Variants in DOCK5 observed in about 807,000 individuals in gnomAD.
The protein encoded by DOCK5 is dedicator of cytokinesis protein 5.
In DOCK5, 142 loss-of-function variants were observed where a neutral mutation model predicts 251.8. That is an observed-to-expected ratio of 0.56 (90% confidence interval 0.49 to 0.65). The LOEUF is 0.65. DOCK5 is among the 30% of genes least tolerant of loss of function. DOCK5 has a pLI of 0.00. For missense variants in DOCK5, 2,111 were observed against 2,312.3 expected (o/e 0.91, Z 1.79); for synonymous variants, 842 against 835.5 (o/e 1.01, Z -0.13).
chr8:25,206,155 G>A (rs2221780), intron 1 of DOCK5, among the ~76,000 whole-genome samples: 95,394 of 152,008 alleles, frequency 0.63, 32,576 homozygotes, highest in Non-Finnish European at 0.76. Context: ...CTGGCACAGC[G>A]TGAGCCCTGG....
At chr8:25,404,217 C>T (rs766247468) in intron 48 of DOCK5, among the ~76,000 whole-genome samples, 1 of 152,064 alleles carries the variant, frequency 6.6e-6, no homozygotes, top group Non-Finnish European at 1.5e-5. Context: ...TGTGTTCTTC[C>T]CCACACTTTT....
At chr8:25,230,867 A>G (rs921802040) in intron 1 of DOCK5, among the ~76,000 whole-genome samples, 1 of 152,078 alleles carries the variant, frequency 6.6e-6, no homozygotes, top group Non-Finnish European at 1.5e-5. Flanking sequence ...AAATAAATAA[A>G]TAAATAAATT....
Position 25,406,022 on chromosome 8 carries a change from G to T in DOCK5, c.5094-1961G>T, listed in dbSNP as rs376699346. On this transcript the variant is annotated intron_variant, in intron 48 of 51. Coordinates refer to ENST00000276440, the MANE Select transcript of DOCK5 (RefSeq NM_024940.8). ...CACCCAGGCTGGAGTGCAGTGGTGC[G>T]ATCTCGGCTCACCGCAAGCTCCGCC... Among the ~76,000 whole-genome samples the T allele has an allele frequency of 1.7e-4, 26 of 151,924 alleles. No individual in the cohort carries two copies. In the South Asian group the frequency reaches 4.6e-3, roughly 27 times the overall value.
Position 25,407,975 on chromosome 8 carries a change from G to A in DOCK5, c.5094-8G>A. 3.7e-6 allele frequency: 6 copies of A among 1,608,226 alleles called. No individual in the cohort carries two copies. Among genetic ancestry groups the A allele is most frequent in the Non-Finnish European group, 5.1e-6 (6 of 1,177,518 alleles). On this transcript the variant is annotated splice_polypyrimidine_tract_variant and splice_region_variant and intron_variant, in intron 48 of 51. Transcript: ENST00000276440. ...TTTGTGATGTTTGTCCTTGTTCCTGGCCAATAGCTCAATCTTGGAGCCACT... is the reference window on the plus strand; with the variant it reads ...TTTGTGATGTTTGTCCTTGTTCCTGACCAATAGCTCAATCTTGGAGCCACT...
intron 34 of DOCK5, among the ~76,000 whole-genome samples, chr8:25,371,759 T>C (rs576730867): frequency 3.9e-4 from 60 of 152,372 alleles, no homozygotes; most frequent in South Asian, 2.5e-3. Flanking sequence ...GATCTTACTT[T>C]GTTTTCTTCA....
chr8:25,363,084 TGATTGGAAA>T lies in DOCK5; in HGVS notation c.2990_2998del (p.Ile997_Lys999del). The T allele has an allele frequency of 1.9e-6, 3 of 1,614,030 alleles. No homozygotes were observed. Among genetic ancestry groups the T allele is most frequent in the Non-Finnish European group, 2.5e-6 (3 of 1,179,882 alleles). The stretch of plus-strand genomic sequence containing the variant: ...GAAACTTTTATCATGTTCAAGGACC[TGATTGGAAA>T]GAATGTCTATGCCAAAGATTGGATG... On this transcript the variant is annotated inframe_deletion, in exon 29 of 52. Coordinates refer to ENST00000276440, the MANE Select transcript of DOCK5 (RefSeq NM_024940.8).
At chr8:25,278,723 GT>G in intron 5 of DOCK5, 58 bp downstream of exon 5, 1 of 1,510,584 alleles carries the variant, frequency 6.6e-7, no homozygotes, top group South Asian at 1.2e-5. Flanking sequence ...CAGCCTGTAG[GT>G]CCTTTGCAGG....
chr8:25,300,449 C>A (rs749657624), intron 8 of DOCK5, 127 bp from the exon 9 acceptor site: 12 of 763,060 alleles, frequency 1.6e-5, no homozygotes, highest in Non-Finnish European at 2.5e-5. Context: ...GTTTTCACAC[C>A]GGCCTGTTGA....
chr8:25,212,004 C>T lies in DOCK5; in HGVS notation c.43+27053C>T, dbSNP rs556548892. Among the ~76,000 whole-genome samples, 238 of 64,050 alleles carry T rather than the reference C, an allele frequency of 3.7e-3. 62 individuals are homozygous for T. Among genetic ancestry groups the T allele is most frequent in the African/African-American group, 8.4e-3 (229 of 27,400 alleles). 42.0% of individuals were successfully genotyped at this position (64,050 alleles called of 152,430 possible). ...TGAATCCCTGTCTATACTGAAAATA[C>T]AAAAAAATTAGCCAGGCATGGTGGC... On this transcript the variant is annotated intron_variant, in intron 1 of 51. Coordinates refer to ENST00000276440, the MANE Select transcript of DOCK5 (RefSeq NM_024940.8).
At position 25,188,011 on chromosome 8, in the gene DOCK5, A is replaced by G. The variant is rs560815944; in HGVS notation, c.43+3060A>G. 5.3e-5 allele frequency among the ~76,000 whole-genome samples: 8 copies of G among 152,324 alleles called. No homozygotes were observed. In the East Asian group the frequency reaches 1.5e-3, roughly 29 times the overall value. On this transcript the variant is annotated intron_variant, in intron 1 of 51. Transcript: ENST00000276440. ...CAGACCATTGTGGTTTTGTATTCCTAGCACTCAACAGGTGTACCAGGTATT... is the reference window on the plus strand; with the variant it reads ...CAGACCATTGTGGTTTTGTATTCCTGGCACTCAACAGGTGTACCAGGTATT...
At position 25,345,661 on chromosome 8, in the gene DOCK5, G is replaced by T. The variant is rs1156308083; in HGVS notation, c.2754+50G>T. On this transcript the variant is annotated intron_variant, in intron 26 of 51. Coordinates refer to ENST00000276440, the MANE Select transcript of DOCK5 (RefSeq NM_024940.8). ...GCACAGAGTTCACACTGTCCCCTTT[G>T]CACCAGACAGGAGTGACTCCGTGGC... 5.0e-6 allele frequency: 8 copies of T among 1,602,932 alleles called. No homozygotes were observed. The Admixed American group carries it at 1.3e-4, about 27-fold the overall frequency.
Position 25,411,278 on chromosome 8 carries a change from TC to T in DOCK5, c.5595del (p.Glu1866SerfsTer38), listed in dbSNP as rs1487509999. ...GGCTCGGAAGTCTGGCATCCCTACT[TC>T]CGAGCCTGGATCCCAGTAAGGATCT... ...PKARKSGIPT[S>X]EPGSQ On this transcript the variant is annotated frameshift_variant, in exon 52 of 52. Transcript: ENST00000276440. LOFTEE classifies it high-confidence loss of function. 3 of 1,564,052 alleles carry T rather than the reference TC, an allele frequency of 1.9e-6. No homozygotes were observed. The South Asian group carries it at 3.6e-5, about 19-fold the overall frequency.
chr8:25,205,650 C>G (rs1801983971), intron 1 of DOCK5, among the ~76,000 whole-genome samples: 1 of 152,156 alleles, frequency 6.6e-6, no homozygotes, highest in South Asian at 2.1e-4. Flanking sequence ...AGCCTTCTGG[C>G]CTTGAAAATC....
intron 1 of DOCK5, among the ~76,000 whole-genome samples, chr8:25,233,903 A>G (rs1397691458): frequency 1.3e-5 from 2 of 152,226 alleles, no homozygotes; most frequent in Admixed American, 6.5e-5. Flanking sequence ...ACACCTATGT[A>G]CACATGTCCT....
At chr8:25,237,939 G>GAGTCTTGA (rs111278888) in intron 1 of DOCK5, among the ~76,000 whole-genome samples, 2,619 of 152,276 alleles carry the variant, frequency 0.017, 90 homozygotes, top group African/African-American at 0.059. Flanking sequence ...TGGTAAAGTT[G>GAGTCTTGA]AGTCTTGAAT....
At chr8:25,399,359 T>A (rs116547977) in intron 45 of DOCK5, among the ~76,000 whole-genome samples, 203 of 152,330 alleles carry the variant, frequency 1.3e-3, no homozygotes, top group African/African-American at 4.7e-3. Flanking sequence ...TGTCTTCACA[T>A]CTACATCTCA....
At chr8:25,295,043 A>G (rs1416362058) in intron 6 of DOCK5, among the ~76,000 whole-genome samples, 2 of 152,218 alleles carry the variant, frequency 1.3e-5, no homozygotes, top group Admixed American at 1.3e-4. Flanking sequence ...GGGTGGGAAC[A>G]TAGATCCAAA....
intron 5 of DOCK5, among the ~76,000 whole-genome samples, chr8:25,290,740 T>C (rs751811585): frequency 6.6e-6 from 1 of 152,228 alleles, no homozygotes; most frequent in African/African-American, 2.4e-5. Context: ...GAACAAACTC[T>C]CTGTCCTATA....
chr8:25,340,785 C>T (rs796240232), intron 22 of DOCK5, 92 bp from the exon 23 acceptor site: 47 of 988,510 alleles, frequency 4.8e-5, no homozygotes, highest in Middle Eastern at 2.3e-4. Flanking sequence ...TAGGGTGATA[C>T]GATGAAGGAG....
Sources: allele counts gnomAD v4.1 joint callset (sites outside exome capture counted in the v4.1 genomes callset), GRCh38; gene constraint gnomAD v4.1.1; transcripts MANE v1.5; gene names NCBI Gene and HGNC (gene_info 2026-07-23, HGNC 2026-07-21).